Variants in IGBP1C observed in about 807,000 individuals in gnomAD.
The protein encoded by IGBP1C is immunoglobulin-binding protein 1 family member C.
the IGBP1C span, among the ~76,000 whole-genome samples, chr17:58,681,659 G>T: frequency 6.6e-6 from 1 of 152,016 alleles, no homozygotes; most frequent in South Asian, 2.1e-4. Flanking sequence ...AGACCAGCCT[G>T]GCAAACATGG....
At chr17:58,666,230 C>T in the IGBP1C span, among the ~76,000 whole-genome samples, 1 of 151,694 alleles carries the variant, frequency 6.6e-6, no homozygotes, top group Non-Finnish European at 1.5e-5. Flanking sequence ...GTAATGTAAT[C>T]CCAGTTTCTA....
chr17:58,671,335 T>C, the IGBP1C span, among the ~76,000 whole-genome samples: 1 of 152,206 alleles, frequency 6.6e-6, no homozygotes, highest in Non-Finnish European at 1.5e-5. Context: ...CATATACACA[T>C]AGCAGTATGA....
At chr17:58,685,308 C>T in the IGBP1C span, among the ~76,000 whole-genome samples, 1 of 151,692 alleles carries the variant, frequency 6.6e-6, no homozygotes, top group Non-Finnish European at 1.5e-5. Flanking sequence ...TGGTGGTGCA[C>T]ACCTGTAATC....
At chr17:58,679,702 G>C in the IGBP1C span, 3 of 152,056 alleles carry the variant, frequency 2.0e-5, no homozygotes, top group Non-Finnish European at 2.9e-5. Flanking sequence ...AGTCCCCAGC[G>C]CTGCCTGAGA....
chr17:58,664,819 AT>A, the IGBP1C span, among the ~76,000 whole-genome samples: 3 of 152,288 alleles, frequency 2.0e-5, no homozygotes, highest in East Asian at 1.9e-4. Context: ...CTAAAAATTC[AT>A]TTTTTTCTTC....
chr17:58,680,468 G>A, the IGBP1C span, among the ~76,000 whole-genome samples: 2 of 152,130 alleles, frequency 1.3e-5, no homozygotes, highest in South Asian at 2.1e-4. Context: ...CAGGCCGGAC[G>A]CTGTGACTCC....
the IGBP1C span, among the ~76,000 whole-genome samples, chr17:58,668,751 C>T: frequency 1.9e-4 from 29 of 152,084 alleles, no homozygotes; most frequent in African/African-American, 6.8e-4. Flanking sequence ...ATCTGGATCA[C>T]CCAGAAAGCA....
At chr17:58,670,141 T>C in the IGBP1C span, among the ~76,000 whole-genome samples, 1 of 152,224 alleles carries the variant, frequency 6.6e-6, no homozygotes, top group Admixed American at 6.5e-5. Context: ...CCCTCTGTTA[T>C]CATAGTAAGA....
the IGBP1C span, among the ~76,000 whole-genome samples, chr17:58,662,121 G>T: frequency 1.6e-4 from 25 of 151,584 alleles, no homozygotes; most frequent in African/African-American, 5.8e-4. Flanking sequence ...GATTACAGGC[G>T]TGAGCCACCA....
chr17:58,686,259 T>G, the IGBP1C span, among the ~76,000 whole-genome samples: 1 of 152,128 alleles, frequency 6.6e-6, no homozygotes, highest in Non-Finnish European at 1.5e-5. Flanking sequence ...GATCTCTTTC[T>G]TGAGCCCAGG....
chr17:58,680,467 C>T, the IGBP1C span, among the ~76,000 whole-genome samples: 2 of 152,134 alleles, frequency 1.3e-5, no homozygotes, highest in Admixed American at 1.3e-4. Flanking sequence ...GCAGGCCGGA[C>T]GCTGTGACTC....
chr17:58,691,603 G>T, the IGBP1C span, among the ~76,000 whole-genome samples: 2 of 146,310 alleles, frequency 1.4e-5, no homozygotes, highest in Non-Finnish European at 3.0e-5. Context: ...GGAGGCGAAG[G>T]TTGCAGTGAG....
the IGBP1C span, among the ~76,000 whole-genome samples, chr17:58,668,689 C>CT: frequency 1.0e-3 from 159 of 152,166 alleles, no homozygotes; most frequent in Admixed American, 3.8e-3. Flanking sequence ...GAGAGGACTT[C>CT]TTTTTTTTAT....
At chr17:58,672,913 G>T in the IGBP1C span, among the ~76,000 whole-genome samples, 1 of 151,914 alleles carries the variant, frequency 6.6e-6, no homozygotes, top group Admixed American at 6.6e-5. Flanking sequence ...TGTATTTTTA[G>T]TAGAGATGGG....
At chr17:58,661,546 G>C in the IGBP1C span, 1 of 773,198 alleles carries the variant, frequency 1.3e-6, no homozygotes, top group South Asian at 1.4e-5. Context: ...TGCTGGAATC[G>C]AACAGCTCGG....
At chr17:58,685,104 C>A in the IGBP1C span, among the ~76,000 whole-genome samples, 1 of 151,142 alleles carries the variant, frequency 6.6e-6, no homozygotes, top group African/African-American at 2.4e-5. Context: ...TTTGTATAGA[C>A]CTTCTAAACA....
the IGBP1C span, among the ~76,000 whole-genome samples, chr17:58,691,736 C>T: frequency 6.6e-6 from 1 of 151,680 alleles, no homozygotes. Context: ...GTTACACTCA[C>T]CTAGGCAAGG....
At chr17:58,682,578 G>A in the IGBP1C span, among the ~76,000 whole-genome samples, 2 of 151,974 alleles carry the variant, frequency 1.3e-5, no homozygotes, top group African/African-American at 4.8e-5. Flanking sequence ...ATTTCAAAGT[G>A]TGTTTTATTT....
chr17:58,685,281 C>T, the IGBP1C span, among the ~76,000 whole-genome samples: 2 of 151,472 alleles, frequency 1.3e-5, no homozygotes, highest in Non-Finnish European at 2.9e-5. Context: ...TAAAAAAATA[C>T]AAAAATTAGC....
Sources: allele counts gnomAD v4.1 joint callset (sites outside exome capture counted in the v4.1 genomes callset), GRCh38; gene constraint gnomAD v4.1.1; transcripts MANE v1.5; gene names NCBI Gene and HGNC (gene_info 2026-07-23, HGNC 2026-07-21).